IMMP2L: variants seen among roughly 807,000 people sequenced by gnomAD.
IMMP2L encodes inner mitochondrial membrane peptidase subunit 2, also known as mitochondrial inner membrane protease subunit 2.
In IMMP2L, 18 loss-of-function variants were observed where a neutral mutation model predicts 19.3. The observed-to-expected ratio is 0.93, with a 90% CI of 0.64 to 1.38. The LOEUF (loss-of-function observed/expected upper bound fraction) is 1.38. Ranked by LOEUF, IMMP2L falls within the 40% of genes most tolerant of loss-of-function variation. The pLI, the probability that IMMP2L is intolerant of heterozygous loss-of-function variation, is 0.00. For missense variants in IMMP2L, 233 were observed against 218.2 expected (o/e 1.07, Z -0.43); for synonymous variants, 76 against 73.0 (o/e 1.04, Z -0.21).
chr7:111,321,667 T>C (rs1234231750), intron 3 of IMMP2L, among the ~76,000 whole-genome samples: 1 of 151,980 alleles, frequency 6.6e-6, no homozygotes, highest in African/African-American at 2.4e-5. Flanking sequence ...AGCTATGCTC[T>C]AAATCACCAA....
At chr7:111,339,322 T>C (rs895273856) in intron 3 of IMMP2L, among the ~76,000 whole-genome samples, 2 of 151,896 alleles carry the variant, frequency 1.3e-5, no homozygotes, top group Admixed American at 1.3e-4. Context: ...AAAGGGAAGA[T>C]AGTTATTCTC....
intron 3 of IMMP2L, among the ~76,000 whole-genome samples, chr7:111,027,118 T>C (rs1826914843): frequency 6.6e-6 from 1 of 152,188 alleles, no homozygotes; most frequent in African/African-American, 2.4e-5. Context: ...CTCTGTTTAT[T>C]GATCTATTGC....
chr7:110,764,502 T>A (rs1451533636), intron 5 of IMMP2L, among the ~76,000 whole-genome samples: 1 of 152,110 alleles, frequency 6.6e-6, no homozygotes, highest in Non-Finnish European at 1.5e-5. Context: ...TCTACATCAG[T>A]ATATCACGAT....
chr7:110,916,194 C>T (rs1232280707), intron 4 of IMMP2L, among the ~76,000 whole-genome samples: 2 of 152,134 alleles, frequency 1.3e-5, no homozygotes, highest in African/African-American at 4.8e-5. Flanking sequence ...ACACTGCAGT[C>T]ACTGTGATGA....
intron 3 of IMMP2L, among the ~76,000 whole-genome samples, chr7:111,278,442 C>T (rs915760894): frequency 6.6e-6 from 1 of 152,124 alleles, no homozygotes; most frequent in African/African-American, 2.4e-5. Flanking sequence ...AAATGACACA[C>T]TTTTATTGTC....
chr7:110,782,685 C>T (rs1799818405), intron 5 of IMMP2L, among the ~76,000 whole-genome samples: 1 of 151,900 alleles, frequency 6.6e-6, no homozygotes, highest in African/African-American at 2.4e-5. Context: ...TTACTATGTG[C>T]TAGGCACTCA....
chr7:110,934,233 T>C (rs1815829785), intron 4 of IMMP2L, among the ~76,000 whole-genome samples: 1 of 152,160 alleles, frequency 6.6e-6, no homozygotes, highest in African/African-American at 2.4e-5. Flanking sequence ...TTCTTTTGCA[T>C]TTGCTGAGGA....
chr7:110,885,386 C>T (rs940687170), intron 5 of IMMP2L, among the ~76,000 whole-genome samples: 1 of 151,750 alleles, frequency 6.6e-6, no homozygotes, highest in Non-Finnish European at 1.5e-5. Context: ...GATATGTCTG[C>T]CTTTAGGAAA....
chr7:110,670,879 T>C (rs966838842), intron 5 of IMMP2L, among the ~76,000 whole-genome samples: 2 of 152,182 alleles, frequency 1.3e-5, no homozygotes, highest in African/African-American at 2.4e-5. Context: ...ACTCTTCCAA[T>C]AGGTTAAATA....
chr7:110,682,230 A>T (rs1253679306), intron 5 of IMMP2L, among the ~76,000 whole-genome samples: 1 of 152,032 alleles, frequency 6.6e-6, no homozygotes, highest in African/African-American at 2.4e-5. Flanking sequence ...CTTGCTCTTT[A>T]CCTTGATAAC....
At chr7:110,886,991 A>T (rs1365021697) in intron 4 of IMMP2L, among the ~76,000 whole-genome samples, 2 of 152,140 alleles carry the variant, frequency 1.3e-5, no homozygotes, top group African/African-American at 4.8e-5. Flanking sequence ...ATATGTATTT[A>T]TGAAATCCGG....
chr7:111,361,038 T>C (rs1481932463), intron 3 of IMMP2L, among the ~76,000 whole-genome samples: 1 of 152,062 alleles, frequency 6.6e-6, no homozygotes, highest in Non-Finnish European at 1.5e-5. Context: ...AGAAGCTCTT[T>C]AGGGTCCTAA....
intron 3 of IMMP2L, among the ~76,000 whole-genome samples, chr7:111,287,652 G>T (rs537632963): frequency 1.2e-4 from 19 of 152,202 alleles, no homozygotes; most frequent in Admixed American, 1.1e-3. Context: ...TTTGTTCAAA[G>T]TTGTTATGAA....
intron 3 of IMMP2L, among the ~76,000 whole-genome samples, chr7:111,233,296 TATATAA>T (rs1357044984): frequency 6.6e-6 from 1 of 152,112 alleles, no homozygotes; most frequent in Non-Finnish European, 1.5e-5. Flanking sequence ...ATACTTTTTG[TATATAA>T]ATAAATGTGA....
At chr7:111,335,683 G>A (rs1156996663) in intron 3 of IMMP2L, among the ~76,000 whole-genome samples, 1 of 152,038 alleles carries the variant, frequency 6.6e-6, no homozygotes, top group African/African-American at 2.4e-5. Flanking sequence ...AACACAACAG[G>A]ACACTTTAAA....
At chr7:111,470,470 A>G (rs1396611851) in intron 3 of IMMP2L, among the ~76,000 whole-genome samples, 1 of 151,880 alleles carries the variant, frequency 6.6e-6, no homozygotes, top group African/African-American at 2.4e-5. Flanking sequence ...CTTGGAACCA[A>G]CCCAAATGTC....
chr7:110,879,155 C>T (rs1809376658), intron 5 of IMMP2L, among the ~76,000 whole-genome samples: 1 of 152,030 alleles, frequency 6.6e-6, no homozygotes, highest in East Asian at 1.9e-4. Context: ...CCTTGAGAGG[C>T]TGAGGTGGAT....
intron 5 of IMMP2L, among the ~76,000 whole-genome samples, chr7:110,688,375 G>A (rs1007452927): frequency 6.6e-6 from 1 of 152,020 alleles, no homozygotes; most frequent in Admixed American, 6.6e-5. Flanking sequence ...AAAACAGACA[G>A]CTAGGAACAA....
chr7:111,253,872 G>C (rs1412493903), intron 3 of IMMP2L, among the ~76,000 whole-genome samples: 2 of 152,162 alleles, frequency 1.3e-5, no homozygotes, highest in Non-Finnish European at 2.9e-5. Flanking sequence ...TGTGAGGCCA[G>C]CGTGGCATGA....
Sources: allele counts gnomAD v4.1 joint callset (sites outside exome capture counted in the v4.1 genomes callset), GRCh38; gene constraint gnomAD v4.1.1; transcripts MANE v1.5; gene names NCBI Gene and HGNC (gene_info 2026-07-23, HGNC 2026-07-21).